Variants in GINS3 observed in about 807,000 individuals in gnomAD.
GINS3 encodes GINS complex subunit 3, also known as DNA replication complex GINS protein PSF3.
Under a neutral mutation model 20.0 loss-of-function variants are expected in GINS3, and 18 were observed. The ratio of observed to expected loss-of-function variants is 0.90; its 90% CI spans 0.62 to 1.33. The LOEUF is 1.33. Ranked by LOEUF, GINS3 falls within the 40% of genes most tolerant of loss-of-function variation. The pLI is 0.00. For missense variants in GINS3, 254 were observed against 273.6 expected (o/e 0.93, Z 0.51); for synonymous variants, 109 against 107.0 (o/e 1.02, Z -0.12).
intron 1 of GINS3, among the ~76,000 whole-genome samples, chr16:58,396,051 C>G (rs1416630003): frequency 6.9e-6 from 1 of 145,348 alleles, no homozygotes; most frequent in Admixed American, 6.7e-5. Context: ...AGAGGCGCCC[C>G]TCACCTCCCG....
intron 1 of GINS3, among the ~76,000 whole-genome samples, chr16:58,399,485 A>T (rs1965927501): frequency 6.6e-6 from 1 of 151,856 alleles, no homozygotes; most frequent in South Asian, 2.1e-4. Context: ...GACTTTTTTT[A>T]ATCCTATTTT....
At chr16:58,401,226 A>G (rs191608338) in intron 1 of GINS3, among the ~76,000 whole-genome samples, 1 of 151,488 alleles carries the variant, frequency 6.6e-6, no homozygotes, top group African/African-American at 2.4e-5. Flanking sequence ...AGATGTTCAG[A>G]TGTGTCCGGA....
Position 58,392,695 on chromosome 16 carries a change from CTG to C in GINS3, c.95_96del (p.Leu32ProfsTer25). ...LDDILMSHEK[L>X]PVRTETAMPR... Reference sequence around the variant, plus strand: ...CGACATCCTGATGTCCCACGAGAAGCTGCCGGTGCGCACGGAGACCGCCATGC... The same window carrying C: ...CGACATCCTGATGTCCCACGAGAAGCCCGGTGCGCACGGAGACCGCCATGC... On this transcript the variant is annotated frameshift_variant, in exon 1 of 3. Transcript: ENST00000318129. LOFTEE classifies it high-confidence loss of function. 6.2e-7 allele frequency: 1 copy of C among 1,614,250 alleles called. No individual in the cohort carries two copies. Among genetic ancestry groups the C allele is most frequent in the African/African-American group, 1.3e-5 (1 of 75,078 alleles).
chr16:58,401,903 A>G (rs1295687896), intron 1 of GINS3, among the ~76,000 whole-genome samples: 3 of 151,608 alleles, frequency 2.0e-5, no homozygotes, highest in Non-Finnish European at 4.4e-5. Flanking sequence ...TGTTATTCAT[A>G]ATGTTCCTTG....
intron 1 of GINS3, 149 bp downstream of exon 1, chr16:58,392,936 A>C (rs1295157332): frequency 5.2e-6 from 4 of 774,858 alleles, no homozygotes; most frequent in South Asian, 2.1e-5. Context: ...CTTCTCGGAA[A>C]CTCCGCGGGG....
intron 1 of GINS3, among the ~76,000 whole-genome samples, chr16:58,400,257 TGGA>T (rs1965937749): frequency 6.6e-6 from 1 of 152,226 alleles, no homozygotes; most frequent in Non-Finnish European, 1.5e-5. Context: ...GAGTAAAGTC[TGGA>T]GGAGACCAGG....
chr16:58,402,316 C>T (rs1965967569), intron 1 of GINS3, among the ~76,000 whole-genome samples: 1 of 152,132 alleles, frequency 6.6e-6, no homozygotes, highest in Admixed American at 6.5e-5. Flanking sequence ...TACTTCCCTC[C>T]CTTCTTTCTC....
intron 1 of GINS3, 72 bp from the exon 2 acceptor site, chr16:58,403,026 A>G: frequency 1.6e-6 from 2 of 1,240,684 alleles, no homozygotes; most frequent in Non-Finnish European, 2.3e-6. Context: ...GGCGATGTGT[A>G]TTTCCTTTTC....
chr16:58,401,334 C>G (rs1236570910), intron 1 of GINS3, among the ~76,000 whole-genome samples: 1 of 151,972 alleles, frequency 6.6e-6, no homozygotes, highest in Non-Finnish European at 1.5e-5. Context: ...TAGTGGGGAT[C>G]CAAAGAGTGA....
chr16:58,400,082 G>A (rs982713858), intron 1 of GINS3, among the ~76,000 whole-genome samples: 1 of 152,014 alleles, frequency 6.6e-6, no homozygotes, highest in Non-Finnish European at 1.5e-5. Flanking sequence ...GGATCTTCTG[G>A]TGATAAGTCT....
intron 1 of GINS3, among the ~76,000 whole-genome samples, chr16:58,395,949 C>T (rs1243720938): frequency 6.7e-6 from 1 of 149,824 alleles, no homozygotes; most frequent in Non-Finnish European, 1.5e-5. Context: ...GGGCGGCTGG[C>T]TGGGCGGGGG....
Position 58,404,614 on chromosome 16 carries a change from G to T in GINS3, c.536G>T (p.Gly179Val). 6.2e-7 allele frequency: 1 copy of T among 1,614,050 alleles called. No homozygotes were observed. Among genetic ancestry groups the T allele is most frequent in the South Asian group, 1.1e-5 (1 of 91,078 alleles). ...DEMERGLFQT[G>V]QKGLNDFQCW... ...ATGGAGAGGGGCTTATTTCAAACAG[G>T]GCAGAAAGGACTGAATGACTTTCAG... Residue 179 changes from glycine to valine, a missense_variant, in exon 3 of 3, where the codon GGG (glycine) becomes GTG (valine). By Grantham distance (109) the Gly-to-Val change is moderately radical. Transcript: ENST00000318129.
intron 2 of GINS3, 189 bp downstream of exon 2, chr16:58,403,520 C>CAT (rs1965986205): frequency 1.8e-6 from 1 of 544,342 alleles, no homozygotes; most frequent in Non-Finnish European, 3.3e-6. Flanking sequence ...CACACACACA[C>CAT]ATTTTTTTAA....
intron 1 of GINS3, among the ~76,000 whole-genome samples, chr16:58,398,456 T>C (rs1338380457): frequency 6.6e-6 from 1 of 151,744 alleles, no homozygotes; most frequent in African/African-American, 2.4e-5. Context: ...AAAAATTTTT[T>C]AAAAAAGCCG....
intron 1 of GINS3, among the ~76,000 whole-genome samples, chr16:58,402,353 G>A (rs150943525): frequency 1.3e-5 from 2 of 152,234 alleles, no homozygotes; most frequent in African/African-American, 4.8e-5. Flanking sequence ...TGTCCTGGTG[G>A]TGTTGGCAGC....
rs752076213 is a variant in GINS3 at position 58,404,647 on chromosome 16, A to T, written c.569A>T (p.Glu190Val). ...QKGLNDFQCW[E>V]KGQASQITAS... Reference sequence around the variant, plus strand: ...GGACTGAATGACTTTCAGTGTTGGGAGAAGGGGCAGGCTTCTCAGATCACA... The same window carrying T: ...GGACTGAATGACTTTCAGTGTTGGGTGAAGGGGCAGGCTTCTCAGATCACA... The change falls in exon 3 of 3, where the codon GAG becomes GTG. Residue 190 changes from glutamate to valine, a missense_variant. Coordinates refer to ENST00000318129, the MANE Select transcript of GINS3 (RefSeq NM_022770.4). The T allele has an allele frequency of 1.9e-6, 3 of 1,614,142 alleles. No individual in the cohort carries two copies. The highest frequency in any genetic ancestry group is 2.5e-6 in the Non-Finnish European group (3 of 1,180,010).
Position 58,397,674 on chromosome 16 carries a change from G to T in GINS3, c.186+4887G>T, listed in dbSNP as rs527748576. The stretch of plus-strand genomic sequence containing the variant: ...ATACGAAAACCAGTCAGGCGTGGCG[G>T]CGCGCGCCTGCAATCACAGGCACTC... On this transcript the variant is annotated intron_variant, in intron 1 of 2. Transcript: ENST00000318129. 5.1e-4 allele frequency among the ~76,000 whole-genome samples: 77 copies of T among 152,304 alleles called. 2 individuals are homozygous for T. In the South Asian group the frequency reaches 0.015, roughly 30 times the overall value.
At chr16:58,397,690 A>C (rs921881030) in intron 1 of GINS3, among the ~76,000 whole-genome samples, 1 of 151,856 alleles carries the variant, frequency 6.6e-6, no homozygotes, top group East Asian at 1.9e-4. Flanking sequence ...GCCTGCAATC[A>C]CAGGCACTCG....
At position 58,392,709 on chromosome 16, in the gene GINS3, G is replaced by C; in HGVS notation, c.108G>C (p.Thr36=). ...CCCACGAGAAGCTGCCGGTGCGCAC[G>C]GAGACCGCCATGCCTCGCCTTGGCG... ...LMSHEKLPVR[T]ETAMPRLGAF... Residue 36 remains threonine, a synonymous_variant, in exon 1 of 3, where the codon ACG becomes ACC. Coordinates refer to ENST00000318129, the MANE Select transcript of GINS3 (RefSeq NM_022770.4). The C allele has an allele frequency of 1.9e-6, 3 of 1,614,206 alleles. No individual in the cohort carries two copies. The highest frequency in any genetic ancestry group is 8.5e-7 in the Non-Finnish European group (1 of 1,180,048).
Sources: allele counts gnomAD v4.1 joint callset (sites outside exome capture counted in the v4.1 genomes callset), GRCh38; gene constraint gnomAD v4.1.1; transcripts MANE v1.5; gene names NCBI Gene and HGNC (gene_info 2026-07-23, HGNC 2026-07-21).